SCFD2: variants seen among roughly 807,000 people sequenced by gnomAD.
The protein encoded by SCFD2 is sec1 family domain-containing protein 2.
A neutral mutation model predicts 58.9 loss-of-function variants in SCFD2; 54 were observed. The ratio of observed to expected loss-of-function variants is 0.92; its 90% CI spans 0.74 to 1.15. The LOEUF (loss-of-function observed/expected upper bound fraction) is 1.15. Ranked by LOEUF, SCFD2 falls within the 50% of genes most tolerant of loss-of-function variation. SCFD2 has a pLI of 0.00. For missense variants in SCFD2, 805 were observed against 836.6 expected (o/e 0.96, Z 0.47); for synonymous variants, 321 against 335.9 (o/e 0.96, Z 0.49).
At chr4:53,302,838 C>G (rs985480631) in intron 3 of SCFD2, among the ~76,000 whole-genome samples, 2 of 152,150 alleles carry the variant, frequency 1.3e-5, no homozygotes, top group Admixed American at 6.5e-5. Context: ...CTGACAAAAA[C>G]AAGCAATGGG....
intron 2 of SCFD2, among the ~76,000 whole-genome samples, chr4:53,344,618 C>T (rs1420618467): frequency 1.3e-5 from 2 of 152,106 alleles, no homozygotes; most frequent in Non-Finnish European, 2.9e-5. Flanking sequence ...TCATATGGAA[C>T]CAAAAAAGAG....
intron 4 of SCFD2, among the ~76,000 whole-genome samples, chr4:53,178,960 A>C (rs1252049142): frequency 6.6e-6 from 1 of 152,184 alleles, no homozygotes; most frequent in African/African-American, 2.4e-5. Flanking sequence ...AAAAAGAATA[A>C]AAAGAAAGGA....
intron 3 of SCFD2, among the ~76,000 whole-genome samples, chr4:53,307,402 C>T (rs554294143): frequency 3.3e-5 from 5 of 152,330 alleles, no homozygotes; most frequent in African/African-American, 9.6e-5. Context: ...GTAGACACTA[C>T]CTCCCCCAAT....
At chr4:53,199,031 T>C (rs552054363) in intron 4 of SCFD2, among the ~76,000 whole-genome samples, 4 of 152,082 alleles carry the variant, frequency 2.6e-5, no homozygotes, top group Non-Finnish European at 5.9e-5. Context: ...TTGAAGAGTA[T>C]GTAAAATGCT....
intron 3 of SCFD2, among the ~76,000 whole-genome samples, chr4:53,295,693 G>C (rs766473379): frequency 6.6e-6 from 1 of 152,182 alleles, no homozygotes. Flanking sequence ...AGTGGTGAGA[G>C]AGGGCATACT....
chr4:53,097,449 TC>T (rs1724688014), intron 5 of SCFD2, among the ~76,000 whole-genome samples: 1 of 152,202 alleles, frequency 6.6e-6, no homozygotes, highest in Non-Finnish European at 1.5e-5. Flanking sequence ...TAAATTGGAT[TC>T]CTAGGTATTT....
chr4:52,983,730 C>T (rs138104009), intron 5 of SCFD2, among the ~76,000 whole-genome samples: 1 of 152,054 alleles, frequency 6.6e-6, no homozygotes, highest in South Asian at 2.1e-4. Context: ...ACTGTGAAAC[C>T]CATCTAGATA....
At chr4:53,093,187 C>T (rs148873594) in intron 5 of SCFD2, among the ~76,000 whole-genome samples, 1 of 152,182 alleles carries the variant, frequency 6.6e-6, no homozygotes, top group Non-Finnish European at 1.5e-5. Flanking sequence ...CCTAGGGAAG[C>T]TGCTGAAAAG....
intron 5 of SCFD2, among the ~76,000 whole-genome samples, chr4:52,998,475 C>T (rs1721794043): frequency 6.6e-6 from 1 of 152,200 alleles, no homozygotes; most frequent in Non-Finnish European, 1.5e-5. Context: ...AGATTAAATC[C>T]TTCTTGTTCA....
intron 3 of SCFD2, among the ~76,000 whole-genome samples, chr4:53,300,298 C>A (rs1732230429): frequency 6.6e-6 from 1 of 151,936 alleles, no homozygotes; most frequent in Non-Finnish European, 1.5e-5. Flanking sequence ...GAGTTCCAAT[C>A]CTAGTCTCGG....
intron 4 of SCFD2, among the ~76,000 whole-genome samples, chr4:53,179,685 A>C (rs1332604135): frequency 6.6e-6 from 1 of 152,220 alleles, no homozygotes; most frequent in Non-Finnish European, 1.5e-5. Context: ...TAAATGCTCC[A>C]ATTAAAAGAC....
At chr4:52,919,303 T>C (rs1049459553) in intron 6 of SCFD2, among the ~76,000 whole-genome samples, 5 of 152,226 alleles carry the variant, frequency 3.3e-5, no homozygotes, top group African/African-American at 1.2e-4. Flanking sequence ...GGTCTCAATG[T>C]CATCATATAT....
chr4:53,329,704 G>A (rs968047396), intron 2 of SCFD2, among the ~76,000 whole-genome samples: 3 of 152,146 alleles, frequency 2.0e-5, no homozygotes, highest in African/African-American at 7.2e-5. Context: ...TCCTCCAAAG[G>A]AACGCAGTTC....
At chr4:53,143,722 G>A (rs1446167418) in intron 5 of SCFD2, among the ~76,000 whole-genome samples, 1 of 151,570 alleles carries the variant, frequency 6.6e-6, no homozygotes, top group East Asian at 1.9e-4. Flanking sequence ...GAGGACAAGA[G>A]GAAAAGATGG....
chr4:53,247,679 G>A (rs1169446791), intron 4 of SCFD2, among the ~76,000 whole-genome samples: 14 of 151,306 alleles, frequency 9.3e-5, no homozygotes, highest in Admixed American at 9.2e-4. Context: ...CTAACAAGGT[G>A]AAACCCCGTC....
chr4:52,897,568 A>T (rs1444788573), intron 7 of SCFD2, among the ~76,000 whole-genome samples: 1 of 152,106 alleles, frequency 6.6e-6, no homozygotes, highest in Non-Finnish European at 1.5e-5. Flanking sequence ...CTAGTATTTT[A>T]TTGAGGATTT....
At chr4:52,885,480 T>C (rs1294922497) in intron 8 of SCFD2, among the ~76,000 whole-genome samples, 6 of 152,154 alleles carry the variant, frequency 3.9e-5, no homozygotes, top group African/African-American at 1.4e-4. Context: ...CTTGGTGTCA[T>C]AGCATTTAAC....
At chr4:53,302,028 T>G (rs576506122) in intron 3 of SCFD2, among the ~76,000 whole-genome samples, 16 of 152,302 alleles carry the variant, frequency 1.1e-4, no homozygotes, top group African/African-American at 3.8e-4. Context: ...AGCATTCCCT[T>G]TGAAAACGGG....
chr4:53,210,819 C>T (rs944836112), intron 4 of SCFD2, among the ~76,000 whole-genome samples: 1 of 152,012 alleles, frequency 6.6e-6, no homozygotes, highest in Non-Finnish European at 1.5e-5. Flanking sequence ...TGACCTCCTG[C>T]CCTCCTTTCA....
Sources: allele counts gnomAD v4.1 joint callset (sites outside exome capture counted in the v4.1 genomes callset), GRCh38; gene constraint gnomAD v4.1.1; transcripts MANE v1.5; gene names NCBI Gene and HGNC (gene_info 2026-07-23, HGNC 2026-07-21).